Variants in GALNTL6 observed in about 807,000 individuals in gnomAD.
GALNTL6 encodes the protein polypeptide N-acetylgalactosaminyltransferase-like 6.
GALNTL6 carries 46 observed loss-of-function variants against 73.7 expected under a neutral mutation model. The ratio of observed to expected loss-of-function variants is 0.62; its 90% CI spans 0.49 to 0.80. GALNTL6 has a LOEUF of 0.80. Ranked by LOEUF, GALNTL6 falls within the 30% of genes least tolerant of loss-of-function variation. GALNTL6 has a pLI of 0.00. For synonymous variants in GALNTL6, 259 were observed against 263.7 expected (o/e 0.98, Z 0.17); for missense variants, 604 against 755.0 (o/e 0.80, Z 2.34).
chr4:172,938,237 T>C (rs187690850), intron 9 of GALNTL6, among the ~76,000 whole-genome samples: 8 of 152,294 alleles, frequency 5.3e-5, no homozygotes, highest in African/African-American at 1.9e-4. Flanking sequence ...GCTGATTCCA[T>C]AGATCCTCTC....
chr4:172,870,070 A>ATCG (rs1215566868), intron 7 of GALNTL6, among the ~76,000 whole-genome samples: 1 of 145,240 alleles, frequency 6.9e-6, no homozygotes, highest in Non-Finnish European at 1.5e-5. Context: ...CATCATCATC[A>ATCG]TCATCATCAT....
At chr4:172,245,784 G>A (rs73870047) in intron 3 of GALNTL6, among the ~76,000 whole-genome samples, 3,124 of 152,236 alleles carry the variant, frequency 0.021, 105 homozygotes, top group African/African-American at 0.07. Flanking sequence ...AAATGTGTGT[G>A]TTTACCCACT....
At chr4:171,819,108 C>T (rs1249252508) in intron 2 of GALNTL6, among the ~76,000 whole-genome samples, 3 of 151,836 alleles carry the variant, frequency 2.0e-5, no homozygotes, top group Admixed American at 6.6e-5. Context: ...GAAAAATTTA[C>T]ACCTACACTC....
At chr4:172,628,385 CT>C (rs757377283) in intron 5 of GALNTL6, among the ~76,000 whole-genome samples, 5 of 152,136 alleles carry the variant, frequency 3.3e-5, no homozygotes, top group Non-Finnish European at 7.4e-5. Flanking sequence ...ACTGATGTCT[CT>C]TTTTTCAAAA....
intron 12 of GALNTL6, among the ~76,000 whole-genome samples, chr4:173,024,030 A>G (rs528526830): frequency 2.7e-4 from 41 of 152,320 alleles, no homozygotes; most frequent in Middle Eastern, 6.8e-3. Flanking sequence ...AGCATGACAC[A>G]CCAACCACTC....
At chr4:172,740,325 G>C (rs1579420634) in intron 5 of GALNTL6, among the ~76,000 whole-genome samples, 2 of 152,346 alleles carry the variant, frequency 1.3e-5, no homozygotes, top group African/African-American at 4.8e-5. Context: ...CCTTGGAAGA[G>C]AGCCTAAGAG....
chr4:172,844,769 T>A (rs1220840154), intron 7 of GALNTL6, among the ~76,000 whole-genome samples: 2 of 152,164 alleles, frequency 1.3e-5, no homozygotes, highest in Non-Finnish European at 2.9e-5. Context: ...TATGCAAGCA[T>A]TGCATAAGCA....
At chr4:172,178,324 A>C (rs552868351) in intron 2 of GALNTL6, among the ~76,000 whole-genome samples, 126 of 152,258 alleles carry the variant, frequency 8.3e-4, no homozygotes, top group Middle Eastern at 3.4e-3. Context: ...TCTGGGATAC[A>C]TGTGCAGAAC....
chr4:172,161,471 G>A (rs1734466257), intron 2 of GALNTL6, among the ~76,000 whole-genome samples: 1 of 151,964 alleles, frequency 6.6e-6, no homozygotes, highest in African/African-American at 2.4e-5. Flanking sequence ...AAGCAGTGTG[G>A]TTGGTGGTGA....
intron 5 of GALNTL6, among the ~76,000 whole-genome samples, chr4:172,455,848 C>A (rs1309538804): frequency 6.6e-6 from 1 of 152,222 alleles, no homozygotes; most frequent in Non-Finnish European, 1.5e-5. Context: ...TCAAGCTCTG[C>A]TAAGGGACAG....
At chr4:171,863,641 C>A (rs1735896469) in intron 2 of GALNTL6, among the ~76,000 whole-genome samples, 1 of 151,878 alleles carries the variant, frequency 6.6e-6, no homozygotes, top group South Asian at 2.1e-4. Context: ...TTAAAGTTAA[C>A]ACTGAGCTGG....
chr4:172,099,852 G>T (rs2110958150), intron 2 of GALNTL6, among the ~76,000 whole-genome samples: 1 of 152,142 alleles, frequency 6.6e-6, no homozygotes, highest in East Asian at 1.9e-4. Flanking sequence ...ATCATTTTCT[G>T]GTCACTCTCT....
In GALNTL6 at chr4:172,469,075, C is replaced by G. The variant is rs148010209; in HGVS notation, c.553+120386C>G. Among the ~76,000 whole-genome samples the G allele has an allele frequency of 2.1e-3, 315 of 152,262 alleles. 2 individuals carry two copies. The highest frequency in any genetic ancestry group is 7.2e-3 in the African/African-American group (301 of 41,536). ...CTCTTCACCCATGACCCTCTCCTGA[C>G]AGAGCATGGGACCCACCTGGAGATG... On this transcript the variant is annotated intron_variant, in intron 5 of 12. Coordinates refer to ENST00000506823, the MANE Select transcript of GALNTL6 (RefSeq NM_001034845.3).
At position 172,875,057 on chromosome 4, in the gene GALNTL6, C is replaced by T. The variant is rs144345949; in HGVS notation, c.924-7733C>T. ...CTTAATGGGTCAGAGGAGAAAAGCA[C>T]GAGCAGACTTGTTTCTGAGGATATG... On this transcript the variant is annotated intron_variant, in intron 7 of 12. Coordinates refer to ENST00000506823, the MANE Select transcript of GALNTL6 (RefSeq NM_001034845.3). Among the ~76,000 whole-genome samples the T allele has an allele frequency of 3.0e-3, 458 of 152,196 alleles. 2 individuals carry two copies. The highest frequency in any genetic ancestry group is 0.01 in the Middle Eastern group (3 of 294).
chr4:171,847,347 C>G (rs1279531017), intron 2 of GALNTL6, among the ~76,000 whole-genome samples: 1 of 152,100 alleles, frequency 6.6e-6, no homozygotes, highest in East Asian at 1.9e-4. Flanking sequence ...TGTTTACGAG[C>G]CTCCAGTGGT....
At chr4:172,566,937 TCTGA>T (rs764678793) in intron 5 of GALNTL6, among the ~76,000 whole-genome samples, 25 of 152,230 alleles carry the variant, frequency 1.6e-4, no homozygotes, top group Non-Finnish European at 2.9e-4. Context: ...TTTCTTTGCT[TCTGA>T]CTAACAAGAA....
intron 2 of GALNTL6, among the ~76,000 whole-genome samples, chr4:172,033,659 G>A (rs1741838823): frequency 6.6e-6 from 1 of 151,992 alleles, no homozygotes; most frequent in African/African-American, 2.4e-5. Flanking sequence ...CATGATATGA[G>A]AAAACTATAG....
chr4:172,021,881 A>G (rs1343803400), intron 2 of GALNTL6, among the ~76,000 whole-genome samples: 20 of 152,114 alleles, frequency 1.3e-4, no homozygotes, highest in Admixed American at 1.1e-3. Flanking sequence ...ACTGGGTATC[A>G]ATATGCCAAA....
chr4:172,139,617 A>G (rs1157428780), intron 2 of GALNTL6, among the ~76,000 whole-genome samples: 3 of 152,200 alleles, frequency 2.0e-5, no homozygotes, highest in Non-Finnish European at 4.4e-5. Flanking sequence ...TGTGAAATTG[A>G]TGAATGTTTT....
Sources: allele counts gnomAD v4.1 joint callset (sites outside exome capture counted in the v4.1 genomes callset), GRCh38; gene constraint gnomAD v4.1.1; transcripts MANE v1.5; gene names NCBI Gene and HGNC (gene_info 2026-07-23, HGNC 2026-07-21).